ANKS1B: variants seen among roughly 807,000 people sequenced by gnomAD.
ANKS1B encodes the protein ankyrin repeat and sterile alpha motif domain-containing protein 1B.
A neutral mutation model predicts 148.3 loss-of-function variants in ANKS1B; 36 were observed. That is an observed-to-expected ratio of 0.24 (90% CI 0.19 to 0.32). ANKS1B has a LOEUF of 0.32. Among genes scored for constraint, ANKS1B ranks in the 10% least tolerant of loss-of-function variants. The pLI, the probability that ANKS1B is intolerant of heterozygous loss-of-function variation, is 1.00. For missense variants in ANKS1B, 1,157 were observed against 1,542.6 expected, an observed-to-expected ratio of 0.75 and a Z score of 4.19; for synonymous variants, 542 against 560.8, an observed-to-expected ratio of 0.97 and a Z score of 0.47.
At chr12:98,896,441 T>C (rs1189867530) in intron 17 of ANKS1B, among the ~76,000 whole-genome samples, 4 of 152,094 alleles carry the variant, frequency 2.6e-5, no homozygotes, top group African/African-American at 9.6e-5. Flanking sequence ...CTTTACAGAT[T>C]AAAAAAAAGG....
intron 9 of ANKS1B, among the ~76,000 whole-genome samples, chr12:99,561,397 A>T (rs1441781861): frequency 6.6e-6 from 1 of 152,156 alleles, no homozygotes; most frequent in Non-Finnish European, 1.5e-5. Flanking sequence ...CACAGGATTG[A>T]TGAGGCCTCA....
intron 17 of ANKS1B, among the ~76,000 whole-genome samples, chr12:99,024,893 G>A (rs1428563908): frequency 6.6e-6 from 1 of 152,144 alleles, no homozygotes; most frequent in East Asian, 1.9e-4. Flanking sequence ...ATAGTTTAGA[G>A]CCTGCAGTTA....
chr12:99,542,238 A>G (rs559985159), intron 9 of ANKS1B, among the ~76,000 whole-genome samples: 1 of 152,282 alleles, frequency 6.6e-6, no homozygotes, highest in African/African-American at 2.4e-5. Context: ...GGACAATACT[A>G]AAAAAACCAA....
chr12:99,477,480 C>A (rs11109858), intron 10 of ANKS1B, among the ~76,000 whole-genome samples: 5,698 of 152,192 alleles, frequency 0.037, 374 homozygotes, highest in African/African-American at 0.13. Flanking sequence ...TACTCTAGAG[C>A]CAGACTGTCT....
chr12:99,388,370 G>A (rs2093951734), intron 12 of ANKS1B, among the ~76,000 whole-genome samples: 1 of 152,164 alleles, frequency 6.6e-6, no homozygotes, highest in African/African-American at 2.4e-5. Context: ...AATTGCATAA[G>A]TGGTTAAGTT....
rs547124425 is a variant in ANKS1B, at chr12:99,133,218, T to C, written c.2526+21071A>G. 5.3e-3 allele frequency among the ~76,000 whole-genome samples: 805 copies of C among 151,596 alleles called. 2 individuals carry two copies. The highest frequency in any genetic ancestry group is 8.6e-3 in the Non-Finnish European group (583 of 67,830). On this transcript the variant is annotated intron_variant, in intron 15 of 26. Coordinates refer to ENST00000683438, the MANE Select transcript of ANKS1B (RefSeq NM_001352186.2). ...AGGAACATGCCACCACGCCCAGCTA[T>C]TTTTTTGTATTTTTAGTAGAGACAG...
At chr12:99,259,294 G>A (rs2075665654) in intron 12 of ANKS1B, among the ~76,000 whole-genome samples, 2 of 152,146 alleles carry the variant, frequency 1.3e-5, no homozygotes, top group Non-Finnish European at 2.9e-5. Flanking sequence ...AAAGATTGCT[G>A]GTATGTTTAG....
At chr12:99,567,480 T>C (rs1450818789) in intron 9 of ANKS1B, among the ~76,000 whole-genome samples, 3 of 152,014 alleles carry the variant, frequency 2.0e-5, no homozygotes, top group Non-Finnish European at 4.4e-5. Context: ...ACATACCTAA[T>C]TATAGATAAT....
chr12:98,770,640 T>C (rs1270368404), intron 25 of ANKS1B, among the ~76,000 whole-genome samples: 2 of 152,000 alleles, frequency 1.3e-5, no homozygotes, highest in Non-Finnish European at 2.9e-5. Context: ...AGGCCCATGA[T>C]CATTCTTTCC....
intron 11 of ANKS1B, among the ~76,000 whole-genome samples, chr12:99,432,754 T>C (rs2095397733): frequency 6.6e-6 from 1 of 152,196 alleles, no homozygotes; most frequent in Non-Finnish European, 1.5e-5. Context: ...GTTAAGTCTC[T>C]GGGAGAAGGG....
chr12:98,972,195 C>G (rs61932224), intron 17 of ANKS1B, among the ~76,000 whole-genome samples: 2 of 151,966 alleles, frequency 1.3e-5, no homozygotes, highest in Admixed American at 1.3e-4. Flanking sequence ...ATTTCACAGT[C>G]GTTATGAACA....
intron 17 of ANKS1B, among the ~76,000 whole-genome samples, chr12:98,892,849 C>T (rs2099755530): frequency 6.6e-6 from 1 of 152,094 alleles, no homozygotes; most frequent in South Asian, 2.1e-4. Context: ...TGGTTGTCTC[C>T]CGTTTCTACA....
At chr12:99,605,655 G>A (rs2097846368) in intron 9 of ANKS1B, among the ~76,000 whole-genome samples, 1 of 152,100 alleles carries the variant, frequency 6.6e-6, no homozygotes, top group African/African-American at 2.4e-5. Flanking sequence ...TGCTAGAAAT[G>A]ACAGGATTGT....
chr12:99,727,588 C>T (rs538396564), intron 8 of ANKS1B, among the ~76,000 whole-genome samples: 1 of 152,216 alleles, frequency 6.6e-6, no homozygotes, highest in South Asian at 2.1e-4. Context: ...AGATTCAATG[C>T]TATTCCCATC....
rs185957415 is a variant in ANKS1B at position 99,558,613 on chromosome 12, G to T, written c.1273-53972C>A. Among the ~76,000 whole-genome samples, 208 of 152,262 alleles carry T rather than the reference G, an allele frequency of 1.4e-3. 3 individuals carry two copies. The highest frequency in any genetic ancestry group is 4.3e-4 in the Non-Finnish European group (29 of 68,018). On this transcript the variant is annotated intron_variant, in intron 9 of 26. Coordinates refer to ENST00000683438, the MANE Select transcript of ANKS1B (RefSeq NM_001352186.2). ...AGTCATGCACAGACTGCCAGTGAAG[G>T]AGCTATGATGAGATCCCTGAGGAAG...
At chr12:99,081,825 C>A (rs1241948472) in intron 16 of ANKS1B, among the ~76,000 whole-genome samples, 1 of 152,030 alleles carries the variant, frequency 6.6e-6, no homozygotes, top group African/African-American at 2.4e-5. Context: ...AATTGAGGTG[C>A]TCTGATTAAA....
At position 99,216,219 on chromosome 12, in the gene ANKS1B, T is replaced by G. The variant is rs144260922; in HGVS notation, c.2419+28123A>C. ...CTCCCCAGCTATGTGGAACTGTGAG[T>G]CCATTAAACCTCTTTTTCTTTATAA... On this transcript the variant is annotated intron_variant, in intron 14 of 26. Coordinates refer to ENST00000683438, the MANE Select transcript of ANKS1B (RefSeq NM_001352186.2). Among the ~76,000 whole-genome samples, 444 of 152,284 alleles carry G rather than the reference T, an allele frequency of 2.9e-3. 2 individuals carry two copies. The highest frequency in any genetic ancestry group is 0.01 in the African/African-American group (422 of 41,548).
chr12:99,087,247 C>T (rs2052222045), intron 15 of ANKS1B, among the ~76,000 whole-genome samples: 1 of 152,308 alleles, frequency 6.6e-6, no homozygotes, highest in Non-Finnish European at 1.5e-5. Flanking sequence ...TAATATCAGA[C>T]TATGCTATAA....
At chr12:99,205,625 C>T (rs960663948) in intron 14 of ANKS1B, among the ~76,000 whole-genome samples, 5 of 152,148 alleles carry the variant, frequency 3.3e-5, no homozygotes, top group Non-Finnish European at 7.3e-5. Flanking sequence ...TCTTTTTGCA[C>T]TGAATCTCTG....
Sources: allele counts gnomAD v4.1 joint callset (sites outside exome capture counted in the v4.1 genomes callset), GRCh38; gene constraint gnomAD v4.1.1; transcripts MANE v1.5; gene names NCBI Gene and HGNC (gene_info 2026-07-23, HGNC 2026-07-21).